Variants in MTSS1 observed in about 807,000 individuals in gnomAD.
MTSS1 encodes the protein protein MTSS 1.
Under a neutral mutation model 79.0 loss-of-function variants are expected in MTSS1, and 18 were observed. That is an observed-to-expected ratio of 0.23 (90% CI 0.16 to 0.34). The LOEUF (loss-of-function observed/expected upper bound fraction) is 0.34, where lower values mean the gene tolerates loss of function less well. Among genes scored for constraint, MTSS1 ranks in the 10% least tolerant of loss-of-function variants. The probability of loss-of-function intolerance (pLI) is 1.00; values close to 1 mark genes in which losing one functional copy is unlikely to be tolerated. For missense variants in MTSS1, 815 were observed against 986.2 expected (o/e 0.83, Z 2.33); for synonymous variants, 341 against 368.6 (o/e 0.93, Z 0.86).
intron 12 of MTSS1, 154 bp from the exon 13 acceptor site, chr8:124,556,058 C>G: frequency 6.5e-7 from 1 of 1,541,152 alleles, no homozygotes; most frequent in East Asian, 2.4e-5. Flanking sequence ...CTGCCTCTCT[C>G]ATTCCCACAC....
In MTSS1 at chr8:124,555,909, A is replaced by G. The variant is rs1191522888; in HGVS notation, c.1405-5T>C. 39 of 1,603,708 alleles carry G rather than the reference A, an allele frequency of 2.4e-5. No individual in the cohort carries two copies. In the East Asian group the frequency reaches 8.7e-4, roughly 36 times the overall value. On this transcript the variant is annotated splice_region_variant and splice_polypyrimidine_tract_variant and intron_variant, in intron 12 of 13. Transcript: ENST00000518547. ...AGCCTCCATCTCCTCACCAGGCTGC[A>G]GGTTGGAGGAGAGAAATACACAGGT...
chr8:124,684,453 C>T (rs1291575954), intron 3 of MTSS1, among the ~76,000 whole-genome samples: 1 of 152,082 alleles, frequency 6.6e-6, no homozygotes, highest in Non-Finnish European at 1.5e-5. Flanking sequence ...AAGAAAAGAA[C>T]GAATGACAAG....
intron 6 of MTSS1, among the ~76,000 whole-genome samples, chr8:124,570,938 G>A (rs1393509196): frequency 6.6e-6 from 1 of 152,128 alleles, no homozygotes; most frequent in South Asian, 2.1e-4. Flanking sequence ...CTCCCAAAGT[G>A]CTGGGATTAC....
intron 3 of MTSS1, among the ~76,000 whole-genome samples, chr8:124,648,028 T>C (rs1400444301): frequency 6.6e-6 from 1 of 152,198 alleles, no homozygotes; most frequent in East Asian, 1.9e-4. Flanking sequence ...TAAAGCAGAT[T>C]TAGCCTCTAT....
At chr8:124,651,851 G>T (rs554982483) in intron 3 of MTSS1, among the ~76,000 whole-genome samples, 1 of 152,116 alleles carries the variant, frequency 6.6e-6, no homozygotes. Flanking sequence ...GCTGCCAGGC[G>T]TGCTCCCCTA....
At position 124,553,511 on chromosome 8, in the gene MTSS1, A is replaced by G. The variant is rs1822931031; in HGVS notation, c.1749T>C (p.Thr583=). ...LPTTLGPAMV[T]PGVATIRRTP... is the part of the protein sequence containing the mutation. ...TCCGTCGGATAGTTGCAACCCCTGG[A>G]GTGACCATAGCAGGTCCCAGGGTGG... The change falls in exon 14 of 14, where the codon ACT becomes ACC. Residue 583 remains threonine (T), a synonymous_variant. Transcript: ENST00000518547. The surrounding 1 kb of genome is among the most constrained non-coding windows in gnomAD (Gnocchi z 6.0). 6.2e-7 allele frequency: 1 copy of G among 1,613,880 alleles called. No individual in the cohort carries two copies. Among genetic ancestry groups the G allele is most frequent in the Non-Finnish European group, 8.5e-7 (1 of 1,179,990 alleles).
intron 6 of MTSS1, among the ~76,000 whole-genome samples, chr8:124,572,046 T>C (rs1827906995): frequency 6.6e-6 from 1 of 152,160 alleles, no homozygotes; most frequent in Non-Finnish European, 1.5e-5. Flanking sequence ...TTACTTCCTT[T>C]CACAAGTTAT....
chr8:124,624,132 T>A (rs1289937555), intron 3 of MTSS1, among the ~76,000 whole-genome samples: 2 of 152,182 alleles, frequency 1.3e-5, no homozygotes, highest in Non-Finnish European at 1.5e-5. Flanking sequence ...TCACTCACGC[T>A]CCTATTTGAA....
chr8:124,702,438 T>C (rs1829835372), intron 2 of MTSS1, among the ~76,000 whole-genome samples: 1 of 152,118 alleles, frequency 6.6e-6, no homozygotes, highest in South Asian at 2.1e-4. Flanking sequence ...AGGGCTTAAG[T>C]ACAGGACTTG....
At chr8:124,567,824 T>G in intron 7 of MTSS1, 1 of 1,512,834 alleles carries the variant, frequency 6.6e-7, no homozygotes, top group Admixed American at 2.2e-5. Context: ...GGAAATGAGC[T>G]GGTACCTTCG....
chr8:124,691,768 T>C (rs1248574157), intron 3 of MTSS1, among the ~76,000 whole-genome samples: 1 of 152,130 alleles, frequency 6.6e-6, no homozygotes, highest in Non-Finnish European at 1.5e-5. Context: ...CACCGGCCCC[T>C]GCCTCCCAAA....
chr8:124,707,694 C>T (rs533814871), intron 1 of MTSS1, among the ~76,000 whole-genome samples: 4 of 150,730 alleles, frequency 2.7e-5, no homozygotes, highest in African/African-American at 7.3e-5. Context: ...GGCGAAAGAG[C>T]GAGACTCCAT....
chr8:124,632,744 T>C (rs1353700018), intron 3 of MTSS1, among the ~76,000 whole-genome samples: 1 of 152,216 alleles, frequency 6.6e-6, no homozygotes, highest in African/African-American at 2.4e-5. Context: ...CTCAGCTCAC[T>C]GCAACCTCTG....
chr8:124,622,755 C>T (rs1054709376), intron 3 of MTSS1, among the ~76,000 whole-genome samples: 8 of 148,690 alleles, frequency 5.4e-5, no homozygotes, highest in Admixed American at 2.7e-4. Flanking sequence ...ATCACACCAC[C>T]GCACTCTAGC....
At chr8:124,696,114 A>G (rs1256695928) in intron 3 of MTSS1, among the ~76,000 whole-genome samples, 1 of 151,960 alleles carries the variant, frequency 6.6e-6, no homozygotes. Flanking sequence ...CAGCCTCCCA[A>G]GTAGCTGGGA....
intron 3 of MTSS1, among the ~76,000 whole-genome samples, chr8:124,611,236 G>A (rs1835763150): frequency 6.6e-6 from 1 of 152,146 alleles, no homozygotes; most frequent in Non-Finnish European, 1.5e-5. Context: ...AACTCACAGG[G>A]GAATATATTT....
intron 3 of MTSS1, among the ~76,000 whole-genome samples, chr8:124,646,635 T>C (rs1044366583): frequency 7.9e-5 from 12 of 152,122 alleles, no homozygotes; most frequent in African/African-American, 2.7e-4. Context: ...CTCAAGTGCT[T>C]TAAAAGACAA....
At chr8:124,642,228 A>C (rs1201786472) in intron 3 of MTSS1, among the ~76,000 whole-genome samples, 1 of 152,232 alleles carries the variant, frequency 6.6e-6, no homozygotes, top group Non-Finnish European at 1.5e-5. Context: ...AGTAGGCAGA[A>C]ATTGAAGGCT....
chr8:124,557,591 G>A (rs1824175075), intron 11 of MTSS1, 90 bp downstream of exon 11: 2 of 1,273,630 alleles, frequency 1.6e-6, no homozygotes, highest in Non-Finnish European at 2.2e-6. Context: ...GGAAGGGGAT[G>A]AGGGGATAGT....
Sources: gnomAD v4.1 joint callset for allele counts (sites outside exome capture counted in the v4.1 genomes callset) on GRCh38, gnomAD v4.1.1 for gene constraint, Gnocchi (gnomAD v3.1) non-coding constraint, MANE v1.5 for transcripts, NCBI Gene and HGNC (gene_info 2026-07-23, HGNC 2026-07-21) for gene names.